The following SGCG variants were observed in gnomAD, a reference collection of about 807,000 sequenced individuals.
SGCG encodes sarcoglycan gamma.
A neutral mutation model predicts 29.3 loss-of-function variants in SGCG; 26 were observed. The ratio of observed to expected loss-of-function variants is 0.89; its 90% confidence interval spans 0.65 to 1.23. The LOEUF (loss-of-function observed/expected upper bound fraction) is 1.23, where lower values mean the gene tolerates loss of function less well. Ranked by LOEUF, SGCG falls within the 50% of genes most tolerant of loss-of-function variation. The pLI is 0.00. For missense variants in SGCG, 353 were observed against 356.0 expected (o/e 0.99, Z 0.07); for synonymous variants, 145 against 129.7 (o/e 1.12, Z -0.80).
rs1238530962 is a variant in SGCG at position 23,299,443 on chromosome 13, TATATATATA to T, written c.578+3957_578+3965del. The stretch of plus-strand genomic sequence containing the variant: ...ATATATATATATATATATATATATA[TATATATATA>T]TATATTTTTTTTTTTTTTTTAGTCG... On this transcript the variant is annotated intron_variant, in intron 6 of 7. Coordinates refer to ENST00000218867, the MANE Select transcript of SGCG (RefSeq NM_000231.3). Among the ~76,000 whole-genome samples the T allele has an allele frequency of 3.1e-3, 71 of 23,056 alleles. 11 individuals are homozygous for T. Among genetic ancestry groups the T allele is most frequent in the African/African-American group, 9.2e-3 (63 of 6,834 alleles). 15.1% of individuals were successfully genotyped at this position (23,056 alleles called of 152,430 possible).
chr13:23,279,420 A>G lies in SGCG; in HGVS notation c.447A>G (p.Pro149=), dbSNP rs2137617646. 1.2e-6 allele frequency: 2 copies of G among 1,613,316 alleles called. No individual in the cohort carries two copies. The highest frequency in any genetic ancestry group is 2.2e-5 in the East Asian group (1 of 44,832). Residue 149 remains proline, a synonymous_variant, in exon 5 of 8, where the codon CCA becomes CCG. Transcript: ENST00000218867. ...QFQINSNDGK[P]LFTVDEKEVV... is the part of the protein sequence containing the mutation. ...AGATCAACTCCAACGACGGCAAGCCACTATTTACTGTAGATGAGAAGGAAG... is the reference window on the plus strand; with the variant it reads ...AGATCAACTCCAACGACGGCAAGCCGCTATTTACTGTAGATGAGAAGGAAG...
rs554993342 is a variant in SGCG, at chr13:23,256,747, A to G, written c.385+6030A>G. On this transcript the variant is annotated intron_variant, in intron 4 of 7. Coordinates refer to ENST00000218867, the MANE Select transcript of SGCG (RefSeq NM_000231.3). ...GGCTGCATAGTATTCCATGGTGTAT[A>G]TGTGCCACATTTTCTTAATCCAGTC... Among the ~76,000 whole-genome samples, 576 of 152,290 alleles carry G rather than the reference A, an allele frequency of 3.8e-3. 2 individuals carry two copies. Among genetic ancestry groups the G allele is most frequent in the Non-Finnish European group, 6.7e-3 (453 of 68,022 alleles).
intron 2 of SGCG, among the ~76,000 whole-genome samples, chr13:23,228,526 T>C (rs1458030669): frequency 2.0e-5 from 3 of 152,172 alleles, no homozygotes; most frequent in Non-Finnish European, 2.9e-5. Context: ...ACTTGGGCAT[T>C]TGGTTTACAG....
chr13:23,190,329 GT>G (rs1430670317), intron 1 of SGCG, among the ~76,000 whole-genome samples: 1 of 152,112 alleles, frequency 6.6e-6, no homozygotes, highest in East Asian at 1.9e-4. Context: ...GATGGATGTA[GT>G]ATCATCATAT....
chr13:23,292,205 G>A (rs1036794192), intron 5 of SGCG, among the ~76,000 whole-genome samples: 6 of 151,310 alleles, frequency 4.0e-5, no homozygotes, highest in Admixed American at 2.0e-4. Flanking sequence ...TGCCTCCCAG[G>A]TTCAAATGAT....
intron 1 of SGCG, among the ~76,000 whole-genome samples, chr13:23,181,708 T>C (rs1030164599): frequency 7.9e-5 from 12 of 152,228 alleles, no homozygotes; most frequent in South Asian, 4.1e-4. Flanking sequence ...AAAGTACACA[T>C]GTGCTAATGC....
At chr13:23,315,267 C>A (rs1186086142) in intron 6 of SGCG, among the ~76,000 whole-genome samples, 1 of 152,228 alleles carries the variant, frequency 6.6e-6, no homozygotes, top group Non-Finnish European at 1.5e-5. Context: ...GTGACCTGAA[C>A]TGCCTATCGT....
chr13:23,195,183 T>TCTCTA (rs1877439051), intron 1 of SGCG, among the ~76,000 whole-genome samples: 2 of 152,222 alleles, frequency 1.3e-5, no homozygotes, highest in Non-Finnish European at 2.9e-5. Flanking sequence ...GTGTCTTGTT[T>TCTCTA]TTGCTAACTT....
chr13:23,284,863 C>T (rs1163649243), intron 5 of SGCG, among the ~76,000 whole-genome samples: 1 of 152,152 alleles, frequency 6.6e-6, no homozygotes, highest in Non-Finnish European at 1.5e-5. Flanking sequence ...ACAGTCAGGC[C>T]CCTCTGCTGC....
At chr13:23,209,140 A>G (rs1035179985) in intron 2 of SGCG, among the ~76,000 whole-genome samples, 3 of 152,180 alleles carry the variant, frequency 2.0e-5, no homozygotes, top group Admixed American at 6.5e-5. Context: ...AGGAAGAATC[A>G]TAATACTAAA....
At chr13:23,279,577 A>T (rs1881223284) in intron 5 of SGCG, 99 bp downstream of exon 5, 1 of 1,240,102 alleles carries the variant, frequency 8.1e-7, no homozygotes, top group Non-Finnish European at 1.2e-6. Flanking sequence ...TTTCAAGCAG[A>T]TAAGAGAGTT....
chr13:23,251,261 G>A (rs1399334938), intron 4 of SGCG, among the ~76,000 whole-genome samples: 1 of 152,142 alleles, frequency 6.6e-6, no homozygotes, highest in Non-Finnish European at 1.5e-5. Context: ...AAACAGTTTA[G>A]TCTTCAATTA....
intron 6 of SGCG, among the ~76,000 whole-genome samples, chr13:23,299,161 A>G (rs1268814044): frequency 1.3e-5 from 2 of 151,960 alleles, no homozygotes; most frequent in African/African-American, 4.8e-5. Context: ...GCCACTCATA[A>G]TCGAATCCAG....
chr13:23,305,113 T>C (rs566214945), intron 6 of SGCG, among the ~76,000 whole-genome samples: 16 of 152,318 alleles, frequency 1.1e-4, no homozygotes, highest in African/African-American at 3.4e-4. Context: ...AGAAAACTTA[T>C]TTTGTATTAG....
chr13:23,295,880 C>A lies in SGCG; in HGVS notation c.578+393C>A, dbSNP rs370596923. Among the ~76,000 whole-genome samples, 46 of 152,296 alleles carry A rather than the reference C, an allele frequency of 3.0e-4. 1 individual carries two copies. The East Asian group carries it at 7.3e-3, about 24-fold the overall frequency. On this transcript the variant is annotated intron_variant, in intron 6 of 7. Coordinates refer to ENST00000218867, the MANE Select transcript of SGCG (RefSeq NM_000231.3). ...CCTTCATAGTCTGGGCTGTGACTGG[C>A]GGGACCTCCTCCCCTACCCTGTCAC...
At chr13:23,160,571 C>T in the SGCG span, among the ~76,000 whole-genome samples, 1 of 152,130 alleles carries the variant, frequency 6.6e-6, no homozygotes, top group African/African-American at 2.4e-5. Flanking sequence ...GGGGAGAAGA[C>T]TGTGGTGTCA....
the SGCG span, chr13:23,170,552 C>G: frequency 6.6e-6 from 1 of 152,316 alleles, no homozygotes; most frequent in East Asian, 1.9e-4. Flanking sequence ...CTAAAGCCAC[C>G]TGAATTGCTG....
chr13:23,319,896 C>A (rs1882969041), intron 6 of SGCG, among the ~76,000 whole-genome samples: 2 of 152,154 alleles, frequency 1.3e-5, no homozygotes, highest in South Asian at 4.1e-4. Context: ...ATTTTTGGTT[C>A]TCTTTCTATA....
chr13:23,289,820 TG>T (rs1881631177), intron 5 of SGCG, among the ~76,000 whole-genome samples: 1 of 152,204 alleles, frequency 6.6e-6, no homozygotes, highest in African/African-American at 2.4e-5. Flanking sequence ...TTTAGTTCAA[TG>T]GGGAGGCATT....
Sources: allele counts gnomAD v4.1 joint callset (sites outside exome capture counted in the v4.1 genomes callset), GRCh38; gene constraint gnomAD v4.1.1; transcripts MANE v1.5; gene names NCBI Gene and HGNC (gene_info 2026-07-23, HGNC 2026-07-21).